IGLON5: variants seen among roughly 807,000 people sequenced by gnomAD.
IGLON5 encodes the protein Ig-like domain-containing protein ENSP00000270642.
IGLON5 carries 16 observed loss-of-function variants against 38.2 expected under a neutral mutation model. The ratio of observed to expected loss-of-function variants is 0.42; its 90% CI spans 0.28 to 0.64. IGLON5 has a LOEUF of 0.64. Ranked by LOEUF, IGLON5 falls within the 30% of genes least tolerant of loss-of-function variation. The probability of loss-of-function intolerance (pLI) is 0.23; values close to 1 mark genes in which losing one functional copy is unlikely to be tolerated. For synonymous variants in IGLON5, 207 were observed against 216.4 expected (o/e 0.96, Z 0.38); for missense variants, 366 against 483.4 (o/e 0.76, Z 2.28).
chr19:51,328,525 AAC>A lies in IGLON5; in HGVS notation c.923-144_923-143del, dbSNP rs1314435814. The A allele has an allele frequency of 1.6e-4, 72 of 441,702 alleles. No individual in the cohort carries two copies. In the South Asian group the frequency reaches 4.4e-3, roughly 27 times the overall value. 27.4% of individuals were successfully genotyped at this position (441,702 alleles called of 1,614,324 possible). On this transcript the variant is annotated intron_variant, in intron 7 of 7. Coordinates refer to ENST00000270642, the MANE Select transcript of IGLON5 (RefSeq NM_001101372.3). ...AAAAAGAAAAAAAAAAAAAAAAAGAAACAGAGTCAGAAAAGCAGGCACACCCA... is the reference window on the plus strand; with the variant it reads ...AAAAAGAAAAAAAAAAAAAAAAAGAAAGAGTCAGAAAAGCAGGCACACCCA...
chr19:51,328,817 A>G lies in IGLON5; in HGVS notation c.*58A>G. On this transcript the variant is annotated 3_prime_UTR_variant, in exon 8 of 8. Transcript: ENST00000270642. ...GGGGGCCTCAGGCCAAGAGTGAGAG[A>G]AACGGGGGAGCAAGAGCCGTGGGTC... 1 of 1,299,458 alleles carries G rather than the reference A, an allele frequency of 7.7e-7. No individual in the cohort carries two copies. The highest frequency in any genetic ancestry group is 1.1e-6 in the Non-Finnish European group (1 of 947,140). The allele number at this position is 1,299,458 out of a possible 1,614,324, so 80.5% of individuals were successfully genotyped here.
At position 51,325,510 on chromosome 19, in the gene IGLON5, A is replaced by G. The variant is rs1297143118; in HGVS notation, c.511+45A>G. 1.3e-6 allele frequency: 2 copies of G among 1,549,676 alleles called. No individual in the cohort carries two copies. Among genetic ancestry groups the G allele is most frequent in the Non-Finnish European group, 8.7e-7 (1 of 1,147,090 alleles). ...TCAAAAGCCCCGTCCCCCACTGCGCAGTCTGGGCCCCTCCATTCCCCATAT... is the reference window on the plus strand; with the variant it reads ...TCAAAAGCCCCGTCCCCCACTGCGCGGTCTGGGCCCCTCCATTCCCCATAT... On this transcript the variant is annotated intron_variant, in intron 4 of 7. Coordinates refer to ENST00000270642, the MANE Select transcript of IGLON5 (RefSeq NM_001101372.3). This position sits in a 1 kb window ranked among gnomAD's most constrained non-coding sequence, Gnocchi z 5.5.
chr19:51,329,062 G>C lies in IGLON5; in HGVS notation c.*303G>C. 4.2e-6 allele frequency: 1 copy of C among 236,238 alleles called. No individual in the cohort carries two copies. The highest frequency in any genetic ancestry group is 7.9e-5 in the South Asian group (1 of 12,666). The allele number at this position is 236,238 out of a possible 1,614,324, so 14.6% of individuals were successfully genotyped here. A position where few individuals can be genotyped will look rare whatever the true frequency, so the allele number is the denominator to read the frequency against. ...CTTAGCTCAGGCTGTCAACTGGCTT[G>C]TGTGGGTGTGGGTGTGTGAGTGTGA... On this transcript the variant is annotated 3_prime_UTR_variant, in exon 8 of 8. Coordinates refer to ENST00000270642, the MANE Select transcript of IGLON5 (RefSeq NM_001101372.3). The surrounding 1 kb of genome is among the most constrained non-coding windows in gnomAD (Gnocchi z 4.3).
At chr19:51,320,947 C>T (rs10424003) in intron 1 of IGLON5, among the ~76,000 whole-genome samples, 1,856 of 152,064 alleles carry the variant, frequency 0.012, 32 homozygotes, top group African/African-American at 0.042. Flanking sequence ...ATATACTATG[C>T]GCTCATCTTT....
In IGLON5 at chr19:51,315,688, C is replaced by CTTTTTTTTTTTT. The variant is rs756194855; in HGVS notation, c.79+3776_79+3787dup. Among the ~76,000 whole-genome samples, 17 of 82,588 alleles carry CTTTTTTTTTTTT rather than the reference C, an allele frequency of 2.1e-4. 1 individual carries two copies. Among genetic ancestry groups the CTTTTTTTTTTTT allele is most frequent in the African/African-American group, 7.7e-4 (17 of 22,128 alleles). 54.2% of individuals were successfully genotyped at this position (82,588 alleles called of 152,430 possible). On this transcript the variant is annotated intron_variant, in intron 1 of 7. Coordinates refer to ENST00000270642, the MANE Select transcript of IGLON5 (RefSeq NM_001101372.3). ...GACCTGAAGGAAGAGGGAAGTCAAC[C>CTTTTTTTTTTTT]TTTTTTTTTTTTTTTTTTTTTTTTT...
chr19:51,328,392 G>C (rs563402320), intron 7 of IGLON5, among the ~76,000 whole-genome samples: 2 of 151,314 alleles, frequency 1.3e-5, no homozygotes, highest in South Asian at 4.2e-4. Context: ...GGCACCTGTG[G>C]TCCTAGCTAT....
At chr19:51,322,820 A>C (rs111212215) in intron 2 of IGLON5, among the ~76,000 whole-genome samples, 3,446 of 74,226 alleles carry the variant, frequency 0.046, no homozygotes, top group Middle Eastern at 0.11. Flanking sequence ...GGGTCTCTGT[A>C]CCCCTCTCTC....
intron 1 of IGLON5, among the ~76,000 whole-genome samples, chr19:51,313,110 C>A (rs963323625): frequency 1.3e-5 from 2 of 152,182 alleles, no homozygotes; most frequent in African/African-American, 2.4e-5. Flanking sequence ...AGCGTCCCAC[C>A]CGAAGCAGCA....
chr19:51,327,323 G>A lies in IGLON5; in HGVS notation c.767+123G>A, dbSNP rs559094627. The A allele has an allele frequency of 3.0e-6, 4 of 1,347,390 alleles. No individual in the cohort carries two copies. In the African/African-American group the frequency reaches 5.8e-5, roughly 20 times the overall value. The allele number at this position is 1,347,390 out of a possible 1,614,324, so 83.5% of individuals were successfully genotyped here. On this transcript the variant is annotated intron_variant, in intron 6 of 7. Coordinates refer to ENST00000270642, the MANE Select transcript of IGLON5 (RefSeq NM_001101372.3). The surrounding 1 kb of genome is among the most constrained non-coding windows in gnomAD (Gnocchi z 7.1). The stretch of plus-strand genomic sequence containing the variant: ...GCAGAGCTCTGGGTCCCGAACCTGG[G>A]GCGTCCAGCTTCTAGGTGATGGGAT...
Position 51,323,768 on chromosome 19 carries a change from A to G in IGLON5, c.265A>G (p.Ile89Val), listed in dbSNP as rs751273553. 13 of 1,613,786 alleles carry G rather than the reference A, an allele frequency of 8.1e-6. No homozygotes were observed. Among genetic ancestry groups the G allele is most frequent in the South Asian group, 5.5e-5 (5 of 91,084 alleles). Residue 89 changes from isoleucine to valine, a missense_variant, in exon 3 of 8, where the codon ATC becomes GTC. Ile to Val is a conservative substitution (Grantham distance 29, BLOSUM62 3). Transcript: ENST00000270642. ...WTSDPRVRLL[I>V]NTPEEFSILI... is the part of the protein sequence containing the mutation. ...CAGCGACCCGCGGGTGCGGCTGCTCATCAACACCCCCGAGGAGTTCTCCAT... is the reference window on the plus strand; with the variant it reads ...CAGCGACCCGCGGGTGCGGCTGCTCGTCAACACCCCCGAGGAGTTCTCCAT...
Position 51,313,669 on chromosome 19 carries a change from T to C in IGLON5, c.79+1743T>C, listed in dbSNP as rs1300782264. Among the ~76,000 whole-genome samples, 8 of 80,192 alleles carry C rather than the reference T, an allele frequency of 1.0e-4. No homozygotes were observed. In the East Asian group the frequency reaches 1.1e-3, roughly 11 times the overall value. The allele number at this position is 80,192 out of a possible 152,430, so 52.6% of individuals were successfully genotyped here. ...TCTTTTTCTTTCTTTCTTTCTTTCTTTCTTTCTTTCTTTCTTTCTTTCTTT... is the reference window on the plus strand; with the variant it reads ...TCTTTTTCTTTCTTTCTTTCTTTCTCTCTTTCTTTCTTTCTTTCTTTCTTT... On this transcript the variant is annotated intron_variant, in intron 1 of 7. Transcript: ENST00000270642.
At position 51,320,547 on chromosome 19, in the gene IGLON5, G is replaced by A. The variant is rs896859401; in HGVS notation, c.80-1517G>A. 2.6e-5 allele frequency among the ~76,000 whole-genome samples: 4 copies of A among 152,220 alleles called. 1 individual carries two copies. The highest frequency in any genetic ancestry group is 1.9e-4 in the East Asian group (1 of 5,192). ...CCACGGTCTACAGAGAGATGACTGC[G>A]TGGGGGTGACGGAGCCTGCCTGCTG... On this transcript the variant is annotated intron_variant, in intron 1 of 7. Coordinates refer to ENST00000270642, the MANE Select transcript of IGLON5 (RefSeq NM_001101372.3).
At chr19:51,316,182 CAAA>C (rs34549182) in intron 1 of IGLON5, among the ~76,000 whole-genome samples, 180 of 124,332 alleles carry the variant, frequency 1.4e-3, no homozygotes, top group Middle Eastern at 8.4e-3. Flanking sequence ...CCCATATCTA[CAAA>C]AAAAAAAAAA....
At chr19:51,318,349 G>A (rs1399946472) in intron 1 of IGLON5, among the ~76,000 whole-genome samples, 1 of 152,170 alleles carries the variant, frequency 6.6e-6, no homozygotes, top group African/African-American at 2.4e-5. Context: ...GTCTGATAGG[G>A]AGGCCAGATA....
intron 1 of IGLON5, among the ~76,000 whole-genome samples, chr19:51,320,044 TGTGCACGCGC>T (rs1206592098): frequency 1.3e-5 from 2 of 151,944 alleles, no homozygotes; most frequent in African/African-American, 2.4e-5. Flanking sequence ...TGTGTGTGTG[TGTGCACGCGC>T]GTGCACGCGT....
chr19:51,312,040 CCCCGGGACGCCGGGGTCTGGG>C (rs1385042409), intron 1 of IGLON5, 114 bp downstream of exon 1: 3 of 498,514 alleles, frequency 6.0e-6, no homozygotes, highest in Admixed American at 4.8e-5. Context: ...CGCGGGGAGG[CCCCGGGACGCCGGGGTCTGGG>C]CCCGGGGGTG....
In IGLON5 at chr19:51,327,629, AG is replaced by A. The variant is rs1985249886; in HGVS notation, c.768-98del. 13 of 1,472,896 alleles carry A rather than the reference AG, an allele frequency of 8.8e-6. No homozygotes were observed. The highest frequency in any genetic ancestry group is 2.4e-4 in the Middle Eastern group (1 of 4,192). The allele number at this position is 1,472,896 out of a possible 1,614,324, so 91.2% of individuals were successfully genotyped here. Reference sequence around the variant, plus strand: ...ACCCGAGGCGATGGGTCACTGGGGTAGGGGGCAGAATGCTGGGTCACCGGGG... The same window carrying A: ...ACCCGAGGCGATGGGTCACTGGGGTAGGGGCAGAATGCTGGGTCACCGGGG... On this transcript the variant is annotated intron_variant, in intron 6 of 7. Coordinates refer to ENST00000270642, the MANE Select transcript of IGLON5 (RefSeq NM_001101372.3). This position sits in a 1 kb window ranked among gnomAD's most constrained non-coding sequence, Gnocchi z 7.1.
At chr19:51,318,488 C>T (rs1393085348) in intron 1 of IGLON5, among the ~76,000 whole-genome samples, 1 of 152,070 alleles carries the variant, frequency 6.6e-6, no homozygotes, top group Non-Finnish European at 1.5e-5. Context: ...CTCACGCCTG[C>T]AATACCAACA....
In IGLON5 at chr19:51,311,934, A is replaced by C. The variant is rs1192043282; in HGVS notation, c.79+8A>C. The C allele has an allele frequency of 7.6e-6, 10 of 1,309,926 alleles. No homozygotes were observed. The highest frequency in any genetic ancestry group is 9.7e-6 in the Non-Finnish European group (10 of 1,027,682). 81.1% of individuals were successfully genotyped at this position (1,309,926 alleles called of 1,614,324 possible). On this transcript the variant is annotated splice_region_variant and intron_variant, in intron 1 of 7. Transcript: ENST00000270642. ...TGGCCGTCATCAGCCGAGGTACCGC[A>C]GCGCCGGGGGCGGGGGGCTCGGCCG...
Sources: allele counts gnomAD v4.1 joint callset (sites outside exome capture counted in the v4.1 genomes callset), GRCh38; gene constraint gnomAD v4.1.1; non-coding constraint Gnocchi (gnomAD v3.1); transcripts MANE v1.5; gene names NCBI Gene and HGNC (gene_info 2026-07-23, HGNC 2026-07-21).